PCDHGB5: variants seen among roughly 807,000 people sequenced by gnomAD.
PCDHGB5 encodes protocadherin gamma subfamily B, 5, also known as protocadherin gamma-B5.
A neutral mutation model predicts 62.9 loss-of-function variants in PCDHGB5; 48 were observed. The ratio of observed to expected loss-of-function variants is 0.76; its 90% CI spans 0.61 to 0.97. The LOEUF is 0.97. Ranked by LOEUF, PCDHGB5 falls within the 50% of genes least tolerant of loss-of-function variation. PCDHGB5 has a pLI of 0.00. For missense variants in PCDHGB5, 1,118 were observed against 1,198.6 expected (o/e 0.93, Z 0.99); for synonymous variants, 474 against 511.2 (o/e 0.93, Z 0.98).
chr5:141,422,487 T>C lies in PCDHGB5; in HGVS notation c.2397+21963T>C, dbSNP rs1295400741. 5.0e-6 allele frequency: 8 copies of C among 1,613,938 alleles called. No individual in the cohort carries two copies. The East Asian group carries it at 1.8e-4, about 36-fold the overall frequency. ...ACAGGGAGTTGGTCCAGAGCTACAA[T>C]ATAACGTTGACAGCCACAGACCAGG... On this transcript the variant is annotated intron_variant, in intron 1 of 3. Coordinates refer to ENST00000617380, the MANE Select transcript of PCDHGB5 (RefSeq NM_018925.3).
At position 141,398,223 on chromosome 5, in the gene PCDHGB5, G is replaced by C. The variant is rs995722310; in HGVS notation, c.96G>C (p.Gln32His). 1 of 1,482,728 alleles carries C rather than the reference G, an allele frequency of 6.7e-7. No homozygotes were observed. Among genetic ancestry groups the C allele is most frequent in the South Asian group, 1.3e-5 (1 of 79,004 alleles). The allele number at this position is 1,482,728 out of a possible 1,614,324, so 91.8% of individuals were successfully genotyped here. ...TGTTCTGCCCGGCGCTCTGTGAGCAGATCCGCTACAGGATTCCCGAGGAAA... is the reference window on the plus strand; with the variant it reads ...TGTTCTGCCCGGCGCTCTGTGAGCACATCCGCTACAGGATTCCCGAGGAAA... ...LSLFCPALCE[Q>H]IRYRIPEEMP... Residue 32 changes from glutamine (Q) to histidine (H), a missense_variant, in exon 1 of 4, where the codon CAG becomes CAC. Gln to His is a conservative substitution (Grantham distance 24). Transcript: ENST00000617380.
Position 141,490,958 on chromosome 5 carries a change from A to T in PCDHGB5, c.2398-3849A>T, listed in dbSNP as rs771797392. 4.6e-5 allele frequency: 74 copies of T among 1,613,610 alleles called. No individual in the cohort carries two copies. The highest frequency in any genetic ancestry group is 1.6e-4 in the Middle Eastern group (1 of 6,084). ...CTGCACCCACGGCCAGACTGGGAAC[A>T]CTCAGCCCCCCAGCGTCTCCCTCGC... On this transcript the variant is annotated intron_variant, in intron 1 of 3. Coordinates refer to ENST00000617380, the MANE Select transcript of PCDHGB5 (RefSeq NM_018925.3). This position sits in a 1 kb window ranked among gnomAD's most constrained non-coding sequence, Gnocchi z 5.4.
intron 1 of PCDHGB5, chr5:141,441,162 G>T (rs1009205566): frequency 6.6e-6 from 1 of 152,166 alleles, no homozygotes; most frequent in African/African-American, 2.4e-5. Context: ...TCCTAGAGGC[G>T]ATTTTTACTT....
Position 141,487,904 on chromosome 5 carries a change from G to A in PCDHGB5, c.2398-6903G>A, listed in dbSNP as rs1229814755. On this transcript the variant is annotated intron_variant, in intron 1 of 3. Coordinates refer to ENST00000617380, the MANE Select transcript of PCDHGB5 (RefSeq NM_018925.3). The surrounding 1 kb of genome is among the most constrained non-coding windows in gnomAD (Gnocchi z 5.0). ...TGTGGAAGCATGATGATGGAATGTG[G>A]GAGCACAGGAGGCTACAGTGCACAG... 8.8e-6 allele frequency: 6 copies of A among 685,686 alleles called. No individual in the cohort carries two copies. The highest frequency in any genetic ancestry group is 1.5e-5 in the Non-Finnish European group (6 of 410,118). 42.5% of individuals were successfully genotyped at this position (685,686 alleles called of 1,614,324 possible). A position where few individuals can be genotyped will look rare whatever the true frequency, so the allele number is the denominator to read the frequency against.
intron 1 of PCDHGB5, chr5:141,440,130 A>G (rs1222064545): frequency 6.6e-6 from 1 of 152,282 alleles, no homozygotes; most frequent in African/African-American, 2.4e-5. Context: ...TGAATGGATC[A>G]GGAGCAGATA....
chr5:141,403,315 A>C, intron 1 of PCDHGB5: 1 of 1,613,974 alleles, frequency 6.2e-7, no homozygotes, highest in African/African-American at 1.3e-5. Flanking sequence ...GAATAGAAAT[A>C]GAAGTAACTG....
intron 1 of PCDHGB5, chr5:141,427,503 A>C (rs1317684577): frequency 6.9e-6 from 4 of 578,118 alleles, no homozygotes; most frequent in Non-Finnish European, 9.8e-6. Flanking sequence ...AACAGATGGG[A>C]CCCTGGATTG....
rs1485764871 is a variant in PCDHGB5, at chr5:141,486,709, C to A, written c.2398-8098C>A. On this transcript the variant is annotated intron_variant, in intron 1 of 3. Coordinates refer to ENST00000617380, the MANE Select transcript of PCDHGB5 (RefSeq NM_018925.3). The surrounding 1 kb of genome is among the most constrained non-coding windows in gnomAD (Gnocchi z 5.0). ...CTTCCTCTTTCATCTCTCTGAACCC[C>A]CAGACAGGAGCTGTTCATGCTACTC... 6.2e-7 allele frequency: 1 copy of A among 1,614,182 alleles called. No homozygotes were observed. Among genetic ancestry groups the A allele is most frequent in the Admixed American group, 1.7e-5 (1 of 60,022 alleles).
At chr5:141,451,127 CT>C (rs1264048458) in intron 1 of PCDHGB5, among the ~76,000 whole-genome samples, 1 of 152,132 alleles carries the variant, frequency 6.6e-6, no homozygotes, top group Non-Finnish European at 1.5e-5. Context: ...CACACCCAGC[CT>C]TATGATTGTA....
At chr5:141,418,479 C>G (rs375821205) in intron 1 of PCDHGB5, 3 of 1,614,010 alleles carry the variant, frequency 1.9e-6, no homozygotes, top group Non-Finnish European at 1.7e-6. Context: ...ACGCAGAGCG[C>G]TCACCACTTG....
chr5:141,416,990 A>C (rs912916110), intron 1 of PCDHGB5: 20 of 151,946 alleles, frequency 1.3e-4, no homozygotes, highest in African/African-American at 4.1e-4. Flanking sequence ...ATTATTGTGC[A>C]TTCATCTCAA....
Position 141,431,756 on chromosome 5 carries a change from G to T in PCDHGB5, c.2397+31232G>T. The T allele has an allele frequency of 6.2e-7, 1 of 1,614,236 alleles. No individual in the cohort carries two copies. Among genetic ancestry groups the T allele is most frequent in the South Asian group, 1.1e-5 (1 of 91,088 alleles). On this transcript the variant is annotated intron_variant, in intron 1 of 3. Transcript: ENST00000617380. This position sits in a 1 kb window ranked among gnomAD's most constrained non-coding sequence, Gnocchi z 4.8. Reference sequence around the variant, plus strand: ...TGCAGGATATTCTGCGCGAGCCAAAGTCCTGATCACTGTTCTGGACGTGAA... The same window carrying T: ...TGCAGGATATTCTGCGCGAGCCAAATTCCTGATCACTGTTCTGGACGTGAA...
chr5:141,446,266 A>C (rs1268290014), intron 1 of PCDHGB5, among the ~76,000 whole-genome samples: 1 of 152,174 alleles, frequency 6.6e-6, no homozygotes, highest in African/African-American at 2.4e-5. Context: ...TTATTAACTG[A>C]ATAAATACAA....
In PCDHGB5 at chr5:141,476,575, C is replaced by A; in HGVS notation, c.2398-18232C>A. 6 of 1,614,232 alleles carry A rather than the reference C, an allele frequency of 3.7e-6. No homozygotes were observed. The highest frequency in any genetic ancestry group is 5.1e-6 in the Non-Finnish European group (6 of 1,180,042). The stretch of plus-strand genomic sequence containing the variant: ...GCGAGGCCGTGGCTCCGGGGACGCG[C>A]TTTCCGCTCGAGAGCGCGCACGATC... On this transcript the variant is annotated intron_variant, in intron 1 of 3. Transcript: ENST00000617380. This position sits in a 1 kb window ranked among gnomAD's most constrained non-coding sequence, Gnocchi z 7.6.
chr5:141,456,087 C>T (rs1218579202), intron 1 of PCDHGB5, among the ~76,000 whole-genome samples: 1 of 151,886 alleles, frequency 6.6e-6, no homozygotes, highest in Non-Finnish European at 1.5e-5. Context: ...TCAGTAGAGA[C>T]GGGATTTCAC....
At chr5:141,463,417 G>A (rs548514637) in intron 1 of PCDHGB5, among the ~76,000 whole-genome samples, 1 of 146,650 alleles carries the variant, frequency 6.8e-6, no homozygotes, top group South Asian at 2.2e-4. Context: ...ATCCTAGTTT[G>A]CGGATCCTCA....
intron 2 of PCDHGB5, among the ~76,000 whole-genome samples, chr5:141,496,353 C>T (rs761547879): frequency 4.6e-5 from 7 of 152,210 alleles, no homozygotes; most frequent in Non-Finnish European, 8.8e-5. Context: ...AGTCTCAGAG[C>T]CCAGGGAGAG....
rs987203685 is a variant in PCDHGB5 at position 141,403,829 on chromosome 5, C to A, written c.2397+3305C>A. ...TAATGAAAAACAATCTCTGCTATTC[C>A]AGCTTAATGAAAATACTGGGGAAAT... is the stretch of plus-strand genomic sequence containing the variant. On this transcript the variant is annotated intron_variant, in intron 1 of 3. Transcript: ENST00000617380. 1.2e-6 allele frequency: 2 copies of A among 1,613,602 alleles called. No homozygotes were observed. The highest frequency in any genetic ancestry group is 2.2e-5 in the East Asian group (1 of 44,884).
At chr5:141,484,660 T>G in intron 1 of PCDHGB5, among the ~76,000 whole-genome samples, 1 of 151,976 alleles carries the variant, frequency 6.6e-6, no homozygotes, top group Non-Finnish European at 1.5e-5. Flanking sequence ...ACTCTCCCTC[T>G]CAGTGGGCCG....
Sources: allele counts gnomAD v4.1 joint callset (sites outside exome capture counted in the v4.1 genomes callset), GRCh38; gene constraint gnomAD v4.1.1; non-coding constraint Gnocchi (gnomAD v3.1); transcripts MANE v1.5; gene names NCBI Gene and HGNC (gene_info 2026-07-23, HGNC 2026-07-21).